Variants in RIT2 observed in about 807,000 individuals in gnomAD.
RIT2 encodes the protein Ras like without CAAX 2, also known as GTP-binding protein Rit2.
In RIT2, 24 loss-of-function variants were observed where a neutral mutation model predicts 23.7. The observed-to-expected ratio is 1.01, with a 90% CI of 0.73 to 1.43. RIT2 has a LOEUF of 1.43. Ranked by LOEUF, RIT2 falls within the 40% of genes most tolerant of loss-of-function variation. The pLI is 0.00. For missense variants in RIT2, 236 were observed against 266.9 expected (o/e 0.88, Z 0.81); for synonymous variants, 107 against 91.1 (o/e 1.17, Z -0.99).
At chr18:43,018,396 A>C (rs1228934689) in intron 2 of RIT2, among the ~76,000 whole-genome samples, 2 of 151,944 alleles carry the variant, frequency 1.3e-5, no homozygotes, top group Non-Finnish European at 2.9e-5. Context: ...TCAGGAAACT[A>C]CATCAAATGG....
chr18:42,906,418 G>A (rs992607784), intron 4 of RIT2, among the ~76,000 whole-genome samples: 2 of 152,064 alleles, frequency 1.3e-5, no homozygotes, highest in Admixed American at 1.3e-4. Flanking sequence ...TTATTACTAT[G>A]TGGTTTTCTT....
chr18:42,775,848 AACACACACACATAC>A (rs1428554876), intron 4 of RIT2, among the ~76,000 whole-genome samples: 2 of 127,056 alleles, frequency 1.6e-5, no homozygotes, highest in African/African-American at 5.2e-5. Flanking sequence ...AGAAGAAACT[AACACACACACATAC>A]ACACACACAC....
chr18:42,821,723 G>A (rs1314160390), intron 4 of RIT2, among the ~76,000 whole-genome samples: 1 of 152,104 alleles, frequency 6.6e-6, no homozygotes, highest in African/African-American at 2.4e-5. Context: ...TTACAATGCA[G>A]GCAGTCAGGG....
intron 1 of RIT2, among the ~76,000 whole-genome samples, chr18:43,100,282 A>G (rs532812184): frequency 9.9e-5 from 15 of 152,250 alleles, no homozygotes; most frequent in African/African-American, 3.4e-4. Context: ...CAGGCAGAGG[A>G]AAAAGCTAAC....
chr18:42,954,759 C>T lies in RIT2; in HGVS notation c.234+19315G>A, dbSNP rs137972563. Among the ~76,000 whole-genome samples the T allele has an allele frequency of 7.9e-5, 12 of 152,198 alleles. No homozygotes were observed. The East Asian group carries it at 2.3e-3, about 29-fold the overall frequency. On this transcript the variant is annotated intron_variant, in intron 3 of 4. Coordinates refer to ENST00000326695, the MANE Select transcript of RIT2 (RefSeq NM_002930.4). The stretch of plus-strand genomic sequence containing the variant: ...AGTGCATGTTTATGTCCCTGATCTC[C>T]AGCCCATACCGTGAATTTGTACTTT...
chr18:42,981,336 T>TA (rs1241832565), intron 2 of RIT2, among the ~76,000 whole-genome samples: 3 of 152,124 alleles, frequency 2.0e-5, no homozygotes, highest in African/African-American at 4.8e-5. Context: ...TTCACAGAAA[T>TA]AAAAAGAACT....
chr18:42,911,613 T>C (rs1005856022), intron 4 of RIT2, among the ~76,000 whole-genome samples: 5 of 152,014 alleles, frequency 3.3e-5, no homozygotes, highest in African/African-American at 1.2e-4. Flanking sequence ...TATGCAAAAT[T>C]TTTATTGAAA....
chr18:42,803,218 T>C (rs1301368858), intron 4 of RIT2, among the ~76,000 whole-genome samples: 1 of 152,250 alleles, frequency 6.6e-6, no homozygotes, highest in Non-Finnish European at 1.5e-5. Flanking sequence ...TTTGTTCAAA[T>C]ATATTGGCTT....
chr18:43,084,170 C>T (rs9967041), intron 1 of RIT2, among the ~76,000 whole-genome samples: 1,968 of 152,248 alleles, frequency 0.013, 63 homozygotes, highest in African/African-American at 0.045. Context: ...AAATGCAAAT[C>T]AAAACCATAG....
chr18:42,865,176 C>A (rs983505151), intron 4 of RIT2, among the ~76,000 whole-genome samples: 15 of 152,172 alleles, frequency 9.9e-5, no homozygotes, highest in African/African-American at 3.6e-4. Flanking sequence ...CATGCTAATC[C>A]AATCCAATGC....
intron 1 of RIT2, among the ~76,000 whole-genome samples, chr18:43,074,723 G>A (rs139458371): frequency 6.6e-6 from 1 of 152,174 alleles, no homozygotes; most frequent in African/African-American, 2.4e-5. Flanking sequence ...GCCATAAAAA[G>A]GAATGAGATC....
At chr18:42,920,287 T>C (rs1297157268) in intron 4 of RIT2, among the ~76,000 whole-genome samples, 3 of 152,192 alleles carry the variant, frequency 2.0e-5, no homozygotes, top group Non-Finnish European at 4.4e-5. Context: ...AGTGAGATTT[T>C]AAGTCAGAAT....
intron 1 of RIT2, among the ~76,000 whole-genome samples, chr18:43,049,145 C>A (rs1426824502): frequency 6.6e-6 from 1 of 152,122 alleles, no homozygotes; most frequent in Non-Finnish European, 1.5e-5. Flanking sequence ...AACTGGCAAA[C>A]CAGCACTGAC....
At chr18:42,796,084 A>G (rs1385935285) in intron 4 of RIT2, among the ~76,000 whole-genome samples, 1 of 152,070 alleles carries the variant, frequency 6.6e-6, no homozygotes, top group African/African-American at 2.4e-5. Flanking sequence ...GTCCTCTTCC[A>G]CACTGTGGAA....
chr18:42,820,081 G>A (rs961278202), intron 4 of RIT2, among the ~76,000 whole-genome samples: 8 of 152,032 alleles, frequency 5.3e-5, no homozygotes, highest in African/African-American at 1.9e-4. Context: ...ACAAATTTAA[G>A]TTTCGCTTTT....
At chr18:42,854,597 C>T (rs571171039) in intron 4 of RIT2, among the ~76,000 whole-genome samples, 1 of 152,278 alleles carries the variant, frequency 6.6e-6, no homozygotes, top group African/African-American at 2.4e-5. Context: ...CCGAAACAAA[C>T]ATAGTTTTAT....
chr18:42,882,345 A>G (rs146059456), intron 4 of RIT2, among the ~76,000 whole-genome samples: 256 of 152,302 alleles, frequency 1.7e-3, no homozygotes, highest in Non-Finnish European at 2.7e-3. Context: ...GGAGGCTGAC[A>G]ATTTTCCATT....
intron 2 of RIT2, among the ~76,000 whole-genome samples, chr18:43,015,712 G>A (rs1455341228): frequency 1.3e-5 from 2 of 151,644 alleles, no homozygotes; most frequent in Non-Finnish European, 3.0e-5. Flanking sequence ...AAAAGCAGCA[G>A]AGCAGTGCCT....
Position 42,856,815 on chromosome 18 carries a change from TTC to T in RIT2, c.426+66755_426+66756del, listed in dbSNP as rs199911019. ...CAATTCCTTGAGAAGTCTTTTTCTT[TTC>T]TCTCTCTCTCTTTTTTTTTTTTTTT... is the stretch of plus-strand genomic sequence containing the variant. On this transcript the variant is annotated intron_variant, in intron 4 of 4. Transcript: ENST00000326695. Among the ~76,000 whole-genome samples the T allele has an allele frequency of 2.6e-3, 376 of 146,610 alleles. 6 individuals carry two copies. Among genetic ancestry groups the T allele is most frequent in the African/African-American group, 8.4e-3 (315 of 37,516 alleles).
Sources: allele counts gnomAD v4.1 joint callset (sites outside exome capture counted in the v4.1 genomes callset), GRCh38; gene constraint gnomAD v4.1.1; transcripts MANE v1.5; gene names NCBI Gene and HGNC (gene_info 2026-07-23, HGNC 2026-07-21).